The following WRAP53 variants were observed in gnomAD, a reference collection of about 807,000 sequenced individuals.
The protein encoded by WRAP53 is telomerase Cajal body protein 1.
Under a neutral mutation model 56.6 loss-of-function variants are expected in WRAP53, and 28 were observed. That is an observed-to-expected ratio of 0.50 (90% CI 0.37 to 0.68). WRAP53 has a LOEUF of 0.68. Among genes scored for constraint, WRAP53 ranks in the 30% least tolerant of loss-of-function variants. The pLI is 0.00. For synonymous variants in WRAP53, 283 were observed against 283.4 expected (o/e 1.00, Z 0.01); for missense variants, 671 against 715.5 (o/e 0.94, Z 0.71).
chr17:7,697,950 C>T (rs1272477550), intron 4 of WRAP53, among the ~76,000 whole-genome samples: 1 of 151,622 alleles, frequency 6.6e-6, no homozygotes, highest in Non-Finnish European at 1.5e-5. Flanking sequence ...ACACTGTAGC[C>T]TCAAACTCCT....
At chr17:7,686,425 G>A (rs1168330923), upstream of WRAP53, 1 of 152,214 alleles carries the variant, frequency 6.6e-6, no homozygotes, top group African/African-American at 2.4e-5. Flanking sequence ...TAGGTTGCAG[G>A]CGACCCGCGG....
chr17:7,692,625 A>C (rs2074127737), intron 4 of WRAP53, among the ~76,000 whole-genome samples: 1 of 150,526 alleles, frequency 6.6e-6, no homozygotes, highest in Admixed American at 6.6e-5. Context: ...CGTCTCAAAA[A>C]AAAAAAAAAA....
In WRAP53 at chr17:7,689,256, G is replaced by T. The variant is rs1281325154; in HGVS notation, c.464G>T (p.Arg155Leu). ...AWNYSFSQLP[R>L]FLSGSWSEFS... ...AACTACAGCTTCTCCCAGCTGCCTC[G>T]ATTTCTCAGTGGTTCCTGGTCAGAG... The change falls in exon 3 of 11, where the codon CGA (arginine) becomes CTA (leucine). Residue 155 changes from arginine (R) to leucine (L), a missense_variant. By Grantham distance (102) the Arg-to-Leu change is moderately radical. Around this residue, in one of 3 missense-constraint regions of WRAP53, gnomAD observed 406 missense variants for 418.5 expected, o/e 0.97. Coordinates refer to ENST00000396463, the MANE Select transcript of WRAP53 (RefSeq NM_001143992.2). 4 of 1,613,942 alleles carry T rather than the reference G, an allele frequency of 2.5e-6. No homozygotes were observed. Among genetic ancestry groups the T allele is most frequent in the Admixed American group, 1.7e-5 (1 of 59,974 alleles).
rs755222519 is a variant in WRAP53, at chr17:7,702,526, A to T, written c.1138A>T (p.Asn380Tyr). Residue 380 changes from asparagine to tyrosine, a missense_variant, in exon 8 of 11, where the codon AAC becomes TAC. Around this residue, in one of 3 missense-constraint regions of WRAP53, gnomAD observed 158 missense variants for 215.7 expected, o/e 0.73. Coordinates refer to ENST00000396463, the MANE Select transcript of WRAP53 (RefSeq NM_001143992.2). This position sits in a 1 kb window ranked among gnomAD's most constrained non-coding sequence, Gnocchi z 5.0. The stretch of plus-strand genomic sequence containing the variant: ...CCACCTCTGCTTTCATCCCGATGGC[A>T]ACCGCTTCTTCTCAGGAGCCCGCAA... ...ITHLCFHPDGNRFFSGARKDA... is the reference protein window; with the variant it reads ...ITHLCFHPDGYRFFSGARKDA... The T allele has an allele frequency of 1.9e-6, 3 of 1,611,974 alleles. No homozygotes were observed. In the South Asian group the frequency reaches 3.3e-5, roughly 18 times the overall value.
chr17:7,698,422 T>C (rs375760179), intron 4 of WRAP53, among the ~76,000 whole-genome samples: 1 of 152,128 alleles, frequency 6.6e-6, no homozygotes, highest in South Asian at 2.1e-4. Flanking sequence ...GGGATGTATA[T>C]GATATAATAC....
chr17:7,701,876 G>T lies in WRAP53; in HGVS notation c.955+87G>T. ...CTTTTGTGAGCCGGGGGCCACCTGTGGGGGTTCACGCCGTCCTCTGTACGG... is the reference window on the plus strand; with the variant it reads ...CTTTTGTGAGCCGGGGGCCACCTGTTGGGGTTCACGCCGTCCTCTGTACGG... On this transcript the variant is annotated intron_variant, in intron 7 of 10. Transcript: ENST00000396463. The surrounding 1 kb of genome is among the most constrained non-coding windows in gnomAD (Gnocchi z 4.2). The T allele has an allele frequency of 1.3e-6, 2 of 1,548,914 alleles. No individual in the cohort carries two copies. The highest frequency in any genetic ancestry group is 1.7e-6 in the Non-Finnish European group (2 of 1,148,328).
chr17:7,700,680 G>A (rs750995622), intron 4 of WRAP53, 61 bp from the exon 5 acceptor site: 2 of 1,152,332 alleles, frequency 1.7e-6, no homozygotes, highest in Non-Finnish European at 2.6e-6. Flanking sequence ...ACTGCTAGAG[G>A]CACGCGCCTC....
chr17:7,688,557 C>A lies in WRAP53; in HGVS notation c.-6C>A. 1.4e-6 allele frequency: 2 copies of A among 1,402,486 alleles called. No individual in the cohort carries two copies. The highest frequency in any genetic ancestry group is 2.0e-6 in the Non-Finnish European group (2 of 1,018,504). The allele number at this position is 1,402,486 out of a possible 1,614,324, so 86.9% of individuals were successfully genotyped here. ...GCCTACTCCCAGAAGAGGAGGGAAG[C>A]ACAGGTGGGTTTCTTTAGCTCTGCG... On this transcript the variant is annotated 5_prime_UTR_variant, in exon 1 of 11. Transcript: ENST00000396463.
upstream of WRAP53, chr17:7,686,114 C>G (rs1019902468): frequency 3.9e-5 from 6 of 152,236 alleles, no homozygotes; most frequent in Non-Finnish European, 8.8e-5. Flanking sequence ...CGGCTCGGGC[C>G]GGAGGGCTGC....
chr17:7,695,686 C>T (rs1287034550), intron 4 of WRAP53, among the ~76,000 whole-genome samples: 1 of 152,124 alleles, frequency 6.6e-6, no homozygotes, highest in Non-Finnish European at 1.5e-5. Context: ...CCTGTTCGCC[C>T]GCCATTTTGG....
intron 4 of WRAP53, among the ~76,000 whole-genome samples, chr17:7,694,846 C>A (rs1373108178): frequency 7.0e-6 from 1 of 143,860 alleles, no homozygotes; most frequent in East Asian, 2.1e-4. Context: ...CAACCAAAAC[C>A]TTTTTGTGCT....
Position 7,701,016 on chromosome 17 carries a change from A to G in WRAP53, c.731+187A>G, listed in dbSNP as rs1317285191. ...TAGATTGAGTCTCCCTCTGTCACCCAGGCTGGAGGGCGGTGATGCAGTCTC... is the reference window on the plus strand; with the variant it reads ...TAGATTGAGTCTCCCTCTGTCACCCGGGCTGGAGGGCGGTGATGCAGTCTC... On this transcript the variant is annotated intron_variant, in intron 5 of 10. Coordinates refer to ENST00000396463, the MANE Select transcript of WRAP53 (RefSeq NM_001143992.2). The surrounding 1 kb of genome is among the most constrained non-coding windows in gnomAD (Gnocchi z 4.2). Among the ~76,000 whole-genome samples the G allele has an allele frequency of 1.3e-5, 2 of 150,340 alleles. No homozygotes were observed. Among genetic ancestry groups the G allele is most frequent in the Non-Finnish European group, 3.0e-5 (2 of 67,660 alleles).
At chr17:7,690,310 G>A (rs2074092009) in intron 4 of WRAP53, among the ~76,000 whole-genome samples, 1 of 152,158 alleles carries the variant, frequency 6.6e-6, no homozygotes, top group South Asian at 2.1e-4. Context: ...TAAAGTGGTG[G>A]ACAAGACAGA....
At chr17:7,694,495 C>T (rs573678882) in intron 4 of WRAP53, among the ~76,000 whole-genome samples, 82 of 152,130 alleles carry the variant, frequency 5.4e-4, no homozygotes, top group Admixed American at 1.3e-3. Context: ...CACCCATTTC[C>T]GCCTCCTAAA....
At position 7,702,559 on chromosome 17, in the gene WRAP53, G is replaced by A. The variant is rs778340581; in HGVS notation, c.1164+7G>A. The A allele has an allele frequency of 3.1e-6, 5 of 1,605,774 alleles. No homozygotes were observed. The highest frequency in any genetic ancestry group is 1.7e-5 in the Admixed American group (1 of 59,670). On this transcript the variant is annotated splice_region_variant and intron_variant, in intron 8 of 10. Coordinates refer to ENST00000396463, the MANE Select transcript of WRAP53 (RefSeq NM_001143992.2). The surrounding 1 kb of genome is among the most constrained non-coding windows in gnomAD (Gnocchi z 5.0). Reference sequence around the variant, plus strand: ...CTTCTCAGGAGCCCGCAAGGTAGGGGTCACACCCTGAGAGCCCAAAGCAGC... The same window carrying A: ...CTTCTCAGGAGCCCGCAAGGTAGGGATCACACCCTGAGAGCCCAAAGCAGC...
At position 7,701,480 on chromosome 17, in the gene WRAP53, G is replaced by C. The variant is rs751045511; in HGVS notation, c.753G>C (p.Glu251Asp). The C allele has an allele frequency of 6.2e-7, 1 of 1,614,258 alleles. No homozygotes were observed. Among genetic ancestry groups the C allele is most frequent in the Admixed American group, 1.7e-5 (1 of 60,030 alleles). The change falls in exon 6 of 11, where the codon GAG becomes GAC. Residue 251 changes from glutamate to aspartate, a missense_variant. By Grantham distance (45) the Glu-to-Asp change is conservative (BLOSUM62 2). This residue lies in a region of WRAP53 where 406 missense variants were observed against 418.5 expected (regional missense o/e 0.97). Transcript: ENST00000396463. This position sits in a 1 kb window ranked among gnomAD's most constrained non-coding sequence, Gnocchi z 4.2. ...DTSYVASSSR[E>D]NPIHIWDAFT... The stretch of plus-strand genomic sequence containing the variant: ...TCAGCGTGGCCAGCAGCAGCCGGGA[G>C]AACCCGATTCATATCTGGGACGCAT...
At chr17:7,698,291 A>G (rs1310080716) in intron 4 of WRAP53, among the ~76,000 whole-genome samples, 2 of 152,252 alleles carry the variant, frequency 1.3e-5, no homozygotes, top group East Asian at 3.8e-4. Context: ...AACATCAGTG[A>G]TTCTAAATAG....
chr17:7,690,603 T>C (rs187550810), intron 4 of WRAP53, among the ~76,000 whole-genome samples: 67 of 152,250 alleles, frequency 4.4e-4, no homozygotes, highest in African/African-American at 1.6e-3. Context: ...AACTGGGAAA[T>C]AGCTTTGTGC....
chr17:7,700,778 A>G lies in WRAP53; in HGVS notation c.680A>G (p.Tyr227Cys), dbSNP rs767803897. The G allele has an allele frequency of 3.1e-6, 5 of 1,613,090 alleles. No homozygotes were observed. Among genetic ancestry groups the G allele is most frequent in the East Asian group, 4.5e-5 (2 of 44,842 alleles). The change falls in exon 5 of 11, where the codon TAT becomes TGT. Residue 227 changes from tyrosine to cysteine, a missense_variant. Around this residue, in one of 3 missense-constraint regions of WRAP53, gnomAD observed 406 missense variants for 418.5 expected, o/e 0.97. Coordinates refer to ENST00000396463, the MANE Select transcript of WRAP53 (RefSeq NM_001143992.2). ...CGAATGGTGGAAGGTGATACCATCT[A>G]TGATTACTGCTGGTATTCTCTGATG... is the stretch of plus-strand genomic sequence containing the variant. ...VLRMVEGDTI[Y>C]DYCWYSLMSS...
Sources: gnomAD v4.1 joint callset for allele counts (sites outside exome capture counted in the v4.1 genomes callset) on GRCh38, gnomAD v4.1.1 for gene constraint, gnomAD v4.1.1 regional missense constraint, Gnocchi (gnomAD v3.1) non-coding constraint, MANE v1.5 for transcripts, NCBI Gene and HGNC (gene_info 2026-07-23, HGNC 2026-07-21) for gene names.